NOL8: variants seen among roughly 807,000 people sequenced by gnomAD.
NOL8 encodes the protein nucleolar protein Nop132.
Under a neutral mutation model 116.1 loss-of-function variants are expected in NOL8, and 93 were observed. The ratio of observed to expected loss-of-function variants is 0.80; its 90% CI spans 0.68 to 0.95. The LOEUF (loss-of-function observed/expected upper bound fraction) is 0.95, where lower values mean the gene tolerates loss of function less well. Ranked by LOEUF, NOL8 falls within the 40% of genes least tolerant of loss-of-function variation. NOL8 has a pLI of 0.00. For missense variants in NOL8, 1,291 were observed against 1,382.8 expected, an observed-to-expected ratio of 0.93 and a Z score of 1.05; for synonymous variants, 419 against 469.0, an observed-to-expected ratio of 0.89 and a Z score of 1.38.
intron 12 of NOL8, among the ~76,000 whole-genome samples, chr9:92,303,442 C>G (rs191647383): frequency 6.6e-6 from 1 of 152,100 alleles, no homozygotes; most frequent in Admixed American, 6.6e-5. Flanking sequence ...ATAGTTTTAT[C>G]GGCACACAGC....
chr9:92,300,101 C>T, intron 13 of NOL8, 85 bp from the exon 14 acceptor site: 1 of 1,488,604 alleles, frequency 6.7e-7, no homozygotes, highest in Non-Finnish European at 9.0e-7. Context: ...TTACTTTTAC[C>T]ACGTAGACAT....
chr9:92,299,228 C>G (rs371599523), intron 14 of NOL8, among the ~76,000 whole-genome samples: 12 of 152,248 alleles, frequency 7.9e-5, no homozygotes, highest in East Asian at 1.9e-4. Context: ...CTCTATCTTT[C>G]CTGTGTTGGT....
intron 2 of NOL8, 32 bp downstream of exon 2, chr9:92,323,991 C>T: frequency 1.9e-6 from 3 of 1,610,460 alleles, no homozygotes; most frequent in Non-Finnish European, 2.5e-6. Context: ...TTATGTCTGC[C>T]TATAACTGCC....
chr9:92,298,967 G>A lies in NOL8; in HGVS notation c.3303-13C>T, dbSNP rs1837484520. 2.1e-6 allele frequency: 3 copies of A among 1,463,056 alleles called. No homozygotes were observed. Among genetic ancestry groups the A allele is most frequent in the Admixed American group, 2.3e-5 (1 of 42,630 alleles). The allele number at this position is 1,463,056 out of a possible 1,614,324, so 90.6% of individuals were successfully genotyped here. On this transcript the variant is annotated splice_polypyrimidine_tract_variant and intron_variant, in intron 14 of 16. Transcript: ENST00000442668. ...TAATGATGCTTCTCTGAAAAGAAAGGGACAAAGGAGAGAGAAAAATAGGTA... is the reference window on the plus strand; with the variant it reads ...TAATGATGCTTCTCTGAAAAGAAAGAGACAAAGGAGAGAGAAAAATAGGTA...
Position 92,299,972 on chromosome 9 carries a change from G to T in NOL8, c.3220C>A (p.Gln1074Lys), listed in dbSNP as rs757702656. The T allele has an allele frequency of 3.3e-5, 53 of 1,613,572 alleles. No homozygotes were observed. Among genetic ancestry groups the T allele is most frequent in the Non-Finnish European group, 4.2e-5 (50 of 1,179,632 alleles). ...CTGTCTTGTAAACGAGGGTCTTCCT[G>T]CCAGACAATCTTTCCAGGTTTCACT... ...ETVKPGKIVW[Q>K]EDPRLQDSSS... is the part of the protein sequence containing the mutation. Residue 1074 changes from glutamine to lysine, a missense_variant, in exon 14 of 17, where the codon CAG (glutamine) becomes AAG (lysine). Physicochemically the swap from Gln to Lys is moderately conservative, Grantham distance 53 (BLOSUM62 1). Coordinates refer to ENST00000442668, the MANE Select transcript of NOL8 (RefSeq NM_017948.6).
chr9:92,310,636 T>G lies in NOL8; in HGVS notation c.2512A>C (p.Ser838Arg). ...GKTSGKLFDSSDDDESDSEDD... is the reference protein window; with the variant it reads ...GKTSGKLFDSRDDDESDSEDD... ...TCAGAATCAGATTCGTCATCATCAC[T>G]GCTATCAAACAGCTTCCCTGATGTT... The change falls in exon 9 of 17, where the codon AGT becomes CGT. Residue 838 changes from serine (S) to arginine (R), a missense_variant. Coordinates refer to ENST00000442668, the MANE Select transcript of NOL8 (RefSeq NM_017948.6). 1 of 1,612,632 alleles carries G rather than the reference T, an allele frequency of 6.2e-7. No homozygotes were observed. Among genetic ancestry groups the G allele is most frequent in the Non-Finnish European group, 8.5e-7 (1 of 1,179,394 alleles).
chr9:92,310,810 G>A (rs560066686), intron 8 of NOL8, 135 bp from the exon 9 acceptor site: 458 of 941,146 alleles, frequency 4.9e-4, no homozygotes, highest in Non-Finnish European at 6.8e-4. Context: ...GGCAGGTCAG[G>A]TGGAAATTCC....
intron 10 of NOL8, among the ~76,000 whole-genome samples, chr9:92,308,369 A>T (rs553945437): frequency 6.7e-6 from 1 of 149,190 alleles, no homozygotes; most frequent in East Asian, 1.9e-4. Flanking sequence ...CTCCAAAAAA[A>T]TAAAAATAAA....
intron 5 of NOL8, 45 bp downstream of exon 5, chr9:92,319,176 G>A (rs1361607430): frequency 1.4e-6 from 2 of 1,478,354 alleles, no homozygotes; most frequent in South Asian, 2.9e-5. Context: ...TCAGGCATCA[G>A]TTTCCAAGAC....
intron 9 of NOL8, 72 bp from the exon 10 acceptor site, chr9:92,310,333 T>A (rs1564217885): frequency 7.5e-7 from 1 of 1,336,678 alleles, no homozygotes; most frequent in Non-Finnish European, 1.1e-6. Flanking sequence ...AGACTGTCAA[T>A]GTACACCTCC....
intron 7 of NOL8, among the ~76,000 whole-genome samples, chr9:92,313,397 C>T (rs1347521403): frequency 6.6e-6 from 1 of 152,162 alleles, no homozygotes; most frequent in African/African-American, 2.4e-5. Context: ...CACATATCGT[C>T]TTTGTTCTGT....
At position 92,314,554 on chromosome 9, in the gene NOL8, T is replaced by C. The variant is rs540971664; in HGVS notation, c.2071A>G (p.Ile691Val). The change falls in exon 7 of 17, where the codon ATA becomes GTA. Residue 691 changes from isoleucine (I) to valine (V), a missense_variant. Ile to Val is a conservative substitution (Grantham distance 29). Transcript: ENST00000442668. ...TGGCAGCTGTCTTTGTCAAAGCCTA[T>C]GTTGTGAGTCTTTGCACTAAGACTT... ...SLSLSAKTHN[I>V]GFDKDSCHST... 2.2e-5 allele frequency: 36 copies of C among 1,613,592 alleles called. No individual in the cohort carries two copies. In the South Asian group the frequency reaches 4.0e-4, roughly 18 times the overall value.
chr9:92,319,901 A>G, intron 4 of NOL8: 1 of 378,838 alleles, frequency 2.6e-6, no homozygotes, highest in South Asian at 2.0e-5. Flanking sequence ...CATCCACTAC[A>G]CTACAGTCAG....
rs924948759 is a variant in NOL8 at position 92,324,033 on chromosome 9, T to C, written c.129A>G (p.Lys43=). 2 of 1,613,996 alleles carry C rather than the reference T, an allele frequency of 1.2e-6. No homozygotes were observed. The highest frequency in any genetic ancestry group is 1.7e-6 in the Non-Finnish European group (2 of 1,179,866). ...EVSDVEIITR[K]DDQGNPQKVF... ...AGGACCATAAATTACCTTGGTCATC[T>C]TTCCGTGTGATGATCTCCACATCCG... is the stretch of plus-strand genomic sequence containing the variant. Residue 43 remains lysine (K), a synonymous_variant, in exon 2 of 17, where the codon AAA becomes AAG. Coordinates refer to ENST00000442668, the MANE Select transcript of NOL8 (RefSeq NM_017948.6).
intron 12 of NOL8, among the ~76,000 whole-genome samples, chr9:92,304,772 T>G (rs1293074790): frequency 2.0e-5 from 3 of 152,322 alleles, no homozygotes; most frequent in Non-Finnish European, 1.5e-5. Flanking sequence ...AGGATATAAT[T>G]GTCAAAATTA....
intron 1 of NOL8, 126 bp from the exon 2 acceptor site, chr9:92,324,335 C>A (rs1840244938): frequency 1.3e-6 from 1 of 782,500 alleles, no homozygotes; most frequent in Non-Finnish European, 2.0e-6. Flanking sequence ...GTATTACTTC[C>A]AAATTTTAGT....
rs566775182 is a variant in NOL8, at chr9:92,308,747, C to T, written c.2686+1424G>A. ...GAACATTTCAAGAAGGGATGATCAA[C>T]AGTGACATATGCTCTAGGTTAGCTG... On this transcript the variant is annotated intron_variant, in intron 10 of 16. Coordinates refer to ENST00000442668, the MANE Select transcript of NOL8 (RefSeq NM_017948.6). Among the ~76,000 whole-genome samples, 9 of 152,258 alleles carry T rather than the reference C, an allele frequency of 5.9e-5. 1 individual carries two copies. Among genetic ancestry groups the T allele is most frequent in the Admixed American group, 5.9e-4 (9 of 15,278 alleles).
rs528599937 is a variant in NOL8 at position 92,298,116 on chromosome 9, C to G, written c.3453+141G>C. 48 of 712,792 alleles carry G rather than the reference C, an allele frequency of 6.7e-5. No homozygotes were observed. In the South Asian group the frequency reaches 7.7e-4, roughly 11 times the overall value. The allele number at this position is 712,792 out of a possible 1,614,324, so 44.2% of individuals were successfully genotyped here. A position where few individuals can be genotyped will look rare whatever the true frequency, so the allele number is the denominator to read the frequency against. On this transcript the variant is annotated intron_variant, in intron 16 of 16. Transcript: ENST00000442668. ...CTTTCGTGTTACTTAATAGGCTTGG[C>G]TGGATTCTGAGACCAGTCACTCAAT...
In NOL8 at chr9:92,311,402, A is replaced by C. The variant is rs1587975142; in HGVS notation, c.2359-143T>G. On this transcript the variant is annotated intron_variant, in intron 7 of 16. Coordinates refer to ENST00000442668, the MANE Select transcript of NOL8 (RefSeq NM_017948.6). The stretch of plus-strand genomic sequence containing the variant: ...CACAGCAAAAGAAAAACTTATCAAC[A>C]AAGTAAACAGACAACGTACAGAATC... The C allele has an allele frequency of 3.4e-5, 20 of 592,806 alleles. No homozygotes were observed. In the East Asian group the frequency reaches 5.7e-4, roughly 17 times the overall value. 36.7% of individuals were successfully genotyped at this position (592,806 alleles called of 1,614,324 possible).
Sources: gnomAD v4.1 joint callset for allele counts (sites outside exome capture counted in the v4.1 genomes callset) on GRCh38, gnomAD v4.1.1 for gene constraint, MANE v1.5 for transcripts, NCBI Gene and HGNC (gene_info 2026-07-23, HGNC 2026-07-21) for gene names.